Variants in RANBP3L observed in about 807,000 individuals in gnomAD.
RANBP3L encodes RAN binding protein 3 like.
RANBP3L carries 56 observed loss-of-function variants against 67.2 expected under a neutral mutation model. The ratio of observed to expected loss-of-function variants is 0.83; its 90% CI spans 0.67 to 1.04. The LOEUF (loss-of-function observed/expected upper bound fraction) is 1.04, where lower values mean the gene tolerates loss of function less well. Among genes scored for constraint, RANBP3L ranks in the 50% least tolerant of loss-of-function variants. The pLI is 0.00. For synonymous variants in RANBP3L, 164 were observed against 181.4 expected, an observed-to-expected ratio of 0.90 and a Z score of 0.77; for missense variants, 496 against 535.5, an observed-to-expected ratio of 0.93 and a Z score of 0.73.
Position 36,255,608 on chromosome 5 carries a change from A to C in RANBP3L, c.904-18T>G. Reference sequence around the variant, plus strand: ...CAGTTTATCTAAATGACAATTTTTTAAAATGTCAAATATATAGAAAATTTT... The same window carrying C: ...CAGTTTATCTAAATGACAATTTTTTCAAATGTCAAATATATAGAAAATTTT... On this transcript the variant is annotated intron_variant, in intron 10 of 13. Coordinates refer to ENST00000296604, the MANE Select transcript of RANBP3L (RefSeq NM_145000.5). 1.9e-6 allele frequency: 3 copies of C among 1,585,480 alleles called. No homozygotes were observed. The highest frequency in any genetic ancestry group is 2.6e-6 in the Non-Finnish European group (3 of 1,160,438).
Position 36,260,824 on chromosome 5 carries a change from T to A in RANBP3L, c.625A>T (p.Ser209Cys), listed in dbSNP as rs1749328424. The change falls in exon 8 of 14, where the codon AGT (serine) becomes TGT (cysteine). Residue 209 changes from serine to cysteine, a missense_variant. Transcript: ENST00000296604. ...NEDKCSFKSC[S>C]SNFVFGENMV... ...TTTTCTCCAAAAACAAAATTGGAAC[T>A]GCAGCTTTTAAAAGAACATTTATCT... 6.4e-7 allele frequency: 1 copy of A among 1,562,278 alleles called. No homozygotes were observed. Among genetic ancestry groups the A allele is most frequent in the Non-Finnish European group, 8.8e-7 (1 of 1,138,668 alleles).
At chr5:36,262,759 CT>C (rs779834149) in intron 6 of RANBP3L, among the ~76,000 whole-genome samples, 88 of 152,042 alleles carry the variant, frequency 5.8e-4, no homozygotes, top group Non-Finnish European at 8.5e-4. Context: ...ATTTTGAGTA[CT>C]TTTTCTTTTT....
At chr5:36,265,573 A>T (rs1421855016) in intron 4 of RANBP3L, 53 bp from the exon 5 acceptor site, 2 of 1,088,252 alleles carry the variant, frequency 1.8e-6, no homozygotes, top group Admixed American at 3.8e-5. Flanking sequence ...GTCAGATTCT[A>T]CACTATTTGG....
At position 36,260,838 on chromosome 5, in the gene RANBP3L, GAACATTT is replaced by G. The variant is rs759336367; in HGVS notation, c.604_610del (p.Lys202LeufsTer16). ...AAAATTGGAACTGCAGCTTTTAAAA[GAACATTT>G]ATCTTCATTTGGTTGACATCTAAGA... is the stretch of plus-strand genomic sequence containing the variant. On this transcript the variant is annotated frameshift_variant, in exon 8 of 14. Transcript: ENST00000296604. LOFTEE classifies it high-confidence loss of function. 6.5e-7 allele frequency: 1 copy of G among 1,535,180 alleles called. No homozygotes were observed.
At chr5:36,296,105 C>T (rs1213127200) in intron 1 of RANBP3L, among the ~76,000 whole-genome samples, 1 of 152,126 alleles carries the variant, frequency 6.6e-6, no homozygotes, top group Non-Finnish European at 1.5e-5. Flanking sequence ...CAGTCCTCCT[C>T]CCATGTACCT....
intron 11 of RANBP3L, among the ~76,000 whole-genome samples, chr5:36,254,557 C>T (rs554142964): frequency 1.3e-5 from 2 of 151,852 alleles, no homozygotes; most frequent in African/African-American, 4.8e-5. Flanking sequence ...TAGTAAATAA[C>T]TTGGACCTGC....
intron 6 of RANBP3L, 37 bp downstream of exon 6, chr5:36,264,922 G>C (rs1749648417): frequency 6.3e-7 from 1 of 1,579,214 alleles, no homozygotes; most frequent in African/African-American, 1.4e-5. Flanking sequence ...GAAAGATGAG[G>C]GATTGAGGTC....
intron 4 of RANBP3L, among the ~76,000 whole-genome samples, chr5:36,268,918 G>A (rs1482104711): frequency 6.6e-6 from 1 of 151,948 alleles, no homozygotes; most frequent in African/African-American, 2.4e-5. Flanking sequence ...CACTATGTTG[G>A]CCAGGCTGGT....
At chr5:36,251,826 G>A (rs1387481593) in intron 12 of RANBP3L, among the ~76,000 whole-genome samples, 4 of 151,978 alleles carry the variant, frequency 2.6e-5, no homozygotes, top group Non-Finnish European at 4.4e-5. Context: ...ATAGAAAATT[G>A]TAGGATTGCA....
At position 36,260,802 on chromosome 5, in the gene RANBP3L, T is replaced by C. The variant is rs369530524; in HGVS notation, c.647A>G (p.Glu216Gly). ...KSCSSNFVFG[E>G]NMVERVLGTQ... is the part of the protein sequence containing the mutation. ...TACCAAAACTCTTTCTACCATGTTT[T>C]CTCCAAAAACAAAATTGGAACTGCA... The change falls in exon 8 of 14, where the codon GAA becomes GGA. Residue 216 changes from glutamate (E) to glycine (G), a missense_variant. By Grantham distance (98) the Glu-to-Gly change is moderately conservative (BLOSUM62 -2). Coordinates refer to ENST00000296604, the MANE Select transcript of RANBP3L (RefSeq NM_145000.5). 17 of 1,551,950 alleles carry C rather than the reference T, an allele frequency of 1.1e-5. No homozygotes were observed. Among genetic ancestry groups the C allele is most frequent in the African/African-American group, 2.7e-5 (2 of 73,552 alleles).
In RANBP3L at chr5:36,301,544, C is replaced by A; in HGVS notation, c.-128G>T. On this transcript the variant is annotated 5_prime_UTR_variant, in exon 1 of 14. Transcript: ENST00000296604. ...CATGCAGATCTTGTCTTTGCATGTA[C>A]AACATATACTCCTCTACTAAACTTC... The A allele has an allele frequency of 1.6e-6, 1 of 637,606 alleles. No individual in the cohort carries two copies. The highest frequency in any genetic ancestry group is 2.8e-6 in the Non-Finnish European group (1 of 353,708). The allele number at this position is 637,606 out of a possible 1,614,324, so 39.5% of individuals were successfully genotyped here. A position where few individuals can be genotyped will look rare whatever the true frequency, so the allele number is the denominator to read the frequency against.
At chr5:36,250,289 A>C (rs1748503348) in intron 13 of RANBP3L, among the ~76,000 whole-genome samples, 1 of 151,974 alleles carries the variant, frequency 6.6e-6, no homozygotes, top group Non-Finnish European at 1.5e-5. Flanking sequence ...AAAGACTAAT[A>C]AACCATTTGT....
At chr5:36,293,404 G>A (rs1411032259) in intron 1 of RANBP3L, among the ~76,000 whole-genome samples, 3 of 148,116 alleles carry the variant, frequency 2.0e-5, no homozygotes, top group African/African-American at 7.5e-5. Flanking sequence ...TCCTTCTCCT[G>A]CCTAATTGCC....
rs1748461090 is a variant in RANBP3L, at chr5:36,249,650, G to A, written c.*4C>T. 2 of 1,523,910 alleles carry A rather than the reference G, an allele frequency of 1.3e-6. No homozygotes were observed. The highest frequency in any genetic ancestry group is 1.8e-6 in the Non-Finnish European group (2 of 1,113,320). The allele number at this position is 1,523,910 out of a possible 1,614,324, so 94.4% of individuals were successfully genotyped here. On this transcript the variant is annotated 3_prime_UTR_variant, in exon 14 of 14. Transcript: ENST00000296604. ...GTAGATGTCATGTTTATAGTAGGTAGTATTCATGAACAGGCAACCGACTGT... is the reference window on the plus strand; with the variant it reads ...GTAGATGTCATGTTTATAGTAGGTAATATTCATGAACAGGCAACCGACTGT...
chr5:36,292,613 A>G (rs1368596868), intron 1 of RANBP3L, among the ~76,000 whole-genome samples: 1 of 152,080 alleles, frequency 6.6e-6, no homozygotes, highest in Non-Finnish European at 1.5e-5. Context: ...TCAGCTTTCT[A>G]CATATGGCTA....
At chr5:36,294,855 A>G (rs1204985465) in intron 1 of RANBP3L, among the ~76,000 whole-genome samples, 1 of 146,092 alleles carries the variant, frequency 6.8e-6, no homozygotes, top group East Asian at 2.0e-4. Flanking sequence ...AAACATATAT[A>G]TACTCATACA....
chr5:36,250,154 AT>A (rs772216193), intron 13 of RANBP3L, among the ~76,000 whole-genome samples: 6 of 152,130 alleles, frequency 3.9e-5, no homozygotes, highest in South Asian at 2.1e-4. Context: ...AGAATTTGCT[AT>A]TTAATCCTTA....
intron 1 of RANBP3L, among the ~76,000 whole-genome samples, chr5:36,293,715 A>G (rs1017409637): frequency 4.0e-5 from 6 of 148,276 alleles, no homozygotes; most frequent in Admixed American, 1.4e-4. Context: ...ATTGATTTGC[A>G]TATATTGAAC....
At chr5:36,256,189 C>G (rs1748966716) in intron 10 of RANBP3L, among the ~76,000 whole-genome samples, 1 of 152,018 alleles carries the variant, frequency 6.6e-6, no homozygotes, top group South Asian at 2.1e-4. Context: ...ACCTAGACAG[C>G]CTGTTAAAAA....
Sources: allele counts gnomAD v4.1 joint callset (sites outside exome capture counted in the v4.1 genomes callset), GRCh38; gene constraint gnomAD v4.1.1; transcripts MANE v1.5; gene names NCBI Gene and HGNC (gene_info 2026-07-23, HGNC 2026-07-21).